Variants in PRDM5 observed in about 807,000 individuals in gnomAD.
PRDM5 encodes the protein PR/SET domain 5, also known as PR domain zinc finger protein 5.
PRDM5 carries 56 observed loss-of-function variants against 81.2 expected under a neutral mutation model. The observed-to-expected ratio is 0.69, with a 90% CI of 0.56 to 0.86. PRDM5 has a LOEUF of 0.86. Ranked by LOEUF, PRDM5 falls within the 40% of genes least tolerant of loss-of-function variation. The pLI, the probability that PRDM5 is intolerant of heterozygous loss-of-function variation, is 0.00. For synonymous variants in PRDM5, 267 were observed against 256.4 expected (o/e 1.04, Z -0.39); for missense variants, 697 against 770.1 (o/e 0.91, Z 1.12).
At chr4:120,835,703 CT>C (rs377232520) in intron 3 of PRDM5, among the ~76,000 whole-genome samples, 2 of 152,050 alleles carry the variant, frequency 1.3e-5, no homozygotes, top group Admixed American at 1.3e-4. Context: ...AACTAAACCT[CT>C]TTTTTTTCCC....
Position 120,730,267 on chromosome 4 carries a change from C to T in PRDM5, c.1624-19854G>A, listed in dbSNP as rs973266519. On this transcript the variant is annotated intron_variant, in intron 14 of 15. Transcript: ENST00000264808. ...GCATTTTGCTTATCTTAATGGTTGG[C>T]ACATAATATGAACACAATAAGGATA... Among the ~76,000 whole-genome samples the T allele has an allele frequency of 2.6e-5, 4 of 152,058 alleles. No individual in the cohort carries two copies. In the South Asian group the frequency reaches 6.2e-4, roughly 24 times the overall value.
intron 13 of PRDM5, among the ~76,000 whole-genome samples, chr4:120,770,736 C>T (rs1477241835): frequency 6.6e-6 from 1 of 152,038 alleles, no homozygotes; most frequent in Non-Finnish European, 1.5e-5. Context: ...CTTCCTGGTC[C>T]ATTTGAGAAT....
In PRDM5 at chr4:120,710,299, C is replaced by T; in HGVS notation, c.1728+10G>A. On this transcript the variant is annotated intron_variant, in intron 15 of 15. Transcript: ENST00000264808. ...GGAAGACACTATGGGGGAAAAAAAT[C>T]CAAACTCACATCACACTGAAAAGGC... 1.9e-6 allele frequency: 3 copies of T among 1,612,746 alleles called. No individual in the cohort carries two copies. The Admixed American group carries it at 5.0e-5, about 27-fold the overall frequency.
At chr4:120,695,486 T>C (rs1285808067) in intron 15 of PRDM5, among the ~76,000 whole-genome samples, 1 of 152,118 alleles carries the variant, frequency 6.6e-6, no homozygotes, top group African/African-American at 2.4e-5. Context: ...TTTCTTATCC[T>C]AATGGAATGT....
Position 120,778,179 on chromosome 4 carries a change from A to G in PRDM5, c.1444-898T>C, listed in dbSNP as rs28622073. On this transcript the variant is annotated intron_variant, in intron 12 of 15. Coordinates refer to ENST00000264808, the MANE Select transcript of PRDM5 (RefSeq NM_018699.4). Reference sequence around the variant, plus strand: ...AGACTACTTTTAGAATTTTTTTTCAATGTAACCTAAAAATTAATAAAAGTA... The same window carrying G: ...AGACTACTTTTAGAATTTTTTTTCAGTGTAACCTAAAAATTAATAAAAGTA... Among the ~76,000 whole-genome samples the G allele has an allele frequency of 8.4e-3, 1,275 of 152,176 alleles. 21 individuals are homozygous for G. The highest frequency in any genetic ancestry group is 0.029 in the African/African-American group (1,219 of 41,532).
intron 3 of PRDM5, among the ~76,000 whole-genome samples, chr4:120,844,753 C>T (rs1758457715): frequency 6.6e-6 from 1 of 152,186 alleles, no homozygotes; most frequent in Admixed American, 6.5e-5. Context: ...CACTTTAAAT[C>T]AAAAGCTAGA....
At chr4:120,793,532 C>T (rs1003616440) in intron 10 of PRDM5, among the ~76,000 whole-genome samples, 6 of 152,210 alleles carry the variant, frequency 3.9e-5, no homozygotes, top group Admixed American at 1.3e-4. Flanking sequence ...TGGTCCCTGG[C>T]ATCAAGAAAG....
chr4:120,735,958 C>T (rs1038192470), intron 14 of PRDM5, among the ~76,000 whole-genome samples: 3 of 152,054 alleles, frequency 2.0e-5, no homozygotes, highest in African/African-American at 7.2e-5. Flanking sequence ...AAATAATATA[C>T]ATTATACCCA....
intron 10 of PRDM5, among the ~76,000 whole-genome samples, chr4:120,794,473 G>T (rs1307921041): frequency 6.7e-6 from 1 of 150,172 alleles, no homozygotes; most frequent in Admixed American, 6.7e-5. Context: ...CTTTTAAATT[G>T]TTTGGCTATG....
chr4:120,761,845 G>A (rs1460071175), intron 13 of PRDM5, among the ~76,000 whole-genome samples: 1 of 152,076 alleles, frequency 6.6e-6, no homozygotes, highest in East Asian at 1.9e-4. Flanking sequence ...TTTTGTTCAT[G>A]CTACTAAATA....
intron 3 of PRDM5, among the ~76,000 whole-genome samples, chr4:120,827,726 T>A (rs1255434355): frequency 1.3e-5 from 2 of 151,992 alleles, no homozygotes; most frequent in Non-Finnish European, 2.9e-5. Flanking sequence ...GGTAACAGAA[T>A]CCCAGCTCCT....
At chr4:120,874,730 G>A (rs950950710) in intron 2 of PRDM5, among the ~76,000 whole-genome samples, 2 of 152,176 alleles carry the variant, frequency 1.3e-5, no homozygotes, top group Non-Finnish European at 2.9e-5. Context: ...CAAAGAGGGG[G>A]AAGAAGAAAT....
At chr4:120,808,746 C>A (rs1753377894) in intron 8 of PRDM5, among the ~76,000 whole-genome samples, 1 of 152,200 alleles carries the variant, frequency 6.6e-6, no homozygotes, top group Non-Finnish European at 1.5e-5. Context: ...AGGTCCCGTG[C>A]CCTCCCCTAC....
At chr4:120,757,379 C>T (rs570033851) in intron 13 of PRDM5, among the ~76,000 whole-genome samples, 1 of 152,294 alleles carries the variant, frequency 6.6e-6, no homozygotes, top group East Asian at 1.9e-4. Flanking sequence ...TAAATTATAC[C>T]TATCCTATGA....
chr4:120,916,206 T>C (rs971755563), intron 1 of PRDM5, among the ~76,000 whole-genome samples: 1 of 151,920 alleles, frequency 6.6e-6, no homozygotes, highest in African/African-American at 2.4e-5. Context: ...CTCACCAACA[T>C]GGTAAAACCC....
intron 2 of PRDM5, among the ~76,000 whole-genome samples, chr4:120,865,737 A>T (rs1007554577): frequency 6.6e-6 from 1 of 152,150 alleles, no homozygotes; most frequent in African/African-American, 2.4e-5. Context: ...GTTCCTGGGC[A>T]TCACTTACAC....
Position 120,799,735 on chromosome 4 carries a change from A to C in PRDM5, c.956T>G (p.Ile319Arg). Reference protein sequence around the residue: ...SLQEHRKIHEIFDCQECMKKF... With the variant: ...SLQEHRKIHERFDCQECMKKF... Reference sequence around the variant, plus strand: ...CTTCATACATTCTTGACAATCAAATATCTCATGAATCTGCAAAAGGTTAAA... The same window carrying C: ...CTTCATACATTCTTGACAATCAAATCTCTCATGAATCTGCAAAAGGTTAAA... Residue 319 changes from isoleucine (I) to arginine (R), a missense_variant, in exon 9 of 16, where the codon ATA becomes AGA. Around this residue, in one of 3 missense-constraint regions of PRDM5, gnomAD observed 577 missense variants for 606.7 expected, o/e 0.95. Transcript: ENST00000264808. 1 of 1,612,310 alleles carries C rather than the reference A, an allele frequency of 6.2e-7. No individual in the cohort carries two copies. Among genetic ancestry groups the C allele is most frequent in the East Asian group, 2.2e-5 (1 of 44,778 alleles).
intron 2 of PRDM5, among the ~76,000 whole-genome samples, chr4:120,858,690 C>A (rs34371247): frequency 6.6e-6 from 1 of 152,076 alleles, no homozygotes; most frequent in Admixed American, 6.5e-5. Flanking sequence ...GTAATCCTAA[C>A]CCATGGATTC....
At chr4:120,893,781 T>C (rs1047647265) in intron 2 of PRDM5, among the ~76,000 whole-genome samples, 4 of 152,254 alleles carry the variant, frequency 2.6e-5, no homozygotes, top group African/African-American at 9.6e-5. Context: ...TTCGAATGTA[T>C]TGACCCTCTT....
Sources: allele counts gnomAD v4.1 joint callset (sites outside exome capture counted in the v4.1 genomes callset), GRCh38; gene constraint gnomAD v4.1.1; regional missense constraint gnomAD v4.1.1; transcripts MANE v1.5; gene names NCBI Gene and HGNC (gene_info 2026-07-23, HGNC 2026-07-21).